Variants in RFT1 observed in about 807,000 individuals in gnomAD.
RFT1 encodes RFT1 glycolipid translocator homolog.
A neutral mutation model predicts 62.2 loss-of-function variants in RFT1; 43 were observed. The ratio of observed to expected loss-of-function variants is 0.69; its 90% confidence interval spans 0.54 to 0.89. RFT1 has a LOEUF of 0.89. Ranked by LOEUF, RFT1 falls within the 40% of genes least tolerant of loss-of-function variation. RFT1 has a pLI of 0.00. For synonymous variants in RFT1, 262 were observed against 264.6 expected (o/e 0.99, Z 0.10); for missense variants, 605 against 649.9 (o/e 0.93, Z 0.75).
rs139487607 is a variant in RFT1 at position 53,092,495 on chromosome 3, C to A, written c.1332G>T (p.Thr444=). The part of the protein sequence containing the change: ...ANCFNMGIRI[T]QSLCFIHRYY... ...AGCGGTGGATGAAGCAAAGGCTCTG[C>A]GTGATCCGAATGCCCATGTTAAAGC... The change falls in exon 12 of 13, where the codon ACG becomes ACT. Residue 444 remains threonine (T), a synonymous_variant. Coordinates refer to ENST00000296292, the MANE Select transcript of RFT1 (RefSeq NM_052859.4). The A allele has an allele frequency of 6.2e-6, 10 of 1,612,362 alleles. 1 individual carries two copies. Among genetic ancestry groups the A allele is most frequent in the South Asian group, 5.5e-5 (5 of 90,372 alleles).
At position 53,090,626 on chromosome 3, in the gene RFT1, T is replaced by C. The variant is rs1223072326; in HGVS notation, c.*1277A>G. On this transcript the variant is annotated 3_prime_UTR_variant, in exon 13 of 13. Coordinates refer to ENST00000296292, the MANE Select transcript of RFT1 (RefSeq NM_052859.4). ...TAAATACATGCATTTTAATGCATGA[T>C]AGGAGTTGCCCTTACTGGCCCTCTC... 6.6e-6 allele frequency: 1 copy of C among 152,254 alleles called. No homozygotes were observed. The highest frequency in any genetic ancestry group is 1.5e-5 in the Non-Finnish European group (1 of 68,066). The allele number at this position is 152,254 out of a possible 1,614,324, so 9.4% of individuals were successfully genotyped here.
In RFT1 at chr3:53,092,025, T is replaced by C. The variant is rs1057160750; in HGVS notation, c.1504A>G (p.Ile502Val). 1.9e-6 allele frequency: 3 copies of C among 1,614,236 alleles called. No individual in the cohort carries two copies. Among genetic ancestry groups the C allele is most frequent in the Non-Finnish European group, 2.5e-6 (3 of 1,180,036 alleles). Residue 502 changes from isoleucine to valine, a missense_variant, in exon 13 of 13, where the codon ATT becomes GTT. Coordinates refer to ENST00000296292, the MANE Select transcript of RFT1 (RefSeq NM_052859.4). ...EQGWPARLAH[I>V]AVGAFCLGAT... ...CCCAGACAGAAGGCCCCCACAGCAA[T>C]GTGTGCCAGTCTGGCTGGCCAGCCC...
intron 6 of RFT1, among the ~76,000 whole-genome samples, chr3:53,118,272 T>G (rs1028489477): frequency 1.3e-5 from 2 of 152,066 alleles, no homozygotes; most frequent in African/African-American, 4.8e-5. Context: ...CAGGAGACAC[T>G]AAGGGGAAGA....
At chr3:53,086,949 TGAA>T (rs1400319203), downstream of RFT1, among the ~76,000 whole-genome samples, 5 of 151,982 alleles carry the variant, frequency 3.3e-5, no homozygotes. Context: ...TGTAAATATG[TGAA>T]GGAGGCCAGG....
At chr3:53,067,514 G>A in the RFT1 span, among the ~76,000 whole-genome samples, 5 of 152,200 alleles carry the variant, frequency 3.3e-5, no homozygotes, top group Non-Finnish European at 7.3e-5. Context: ...ACATTGGCGG[G>A]GAAGGGGCAC....
At chr3:53,077,751 G>C in the RFT1 span, 1 of 152,258 alleles carries the variant, frequency 6.6e-6, no homozygotes, top group Non-Finnish European at 1.5e-5. Flanking sequence ...GTGGAGCCTG[G>C]GGGGACAGGT....
intron 10 of RFT1, among the ~76,000 whole-genome samples, chr3:53,102,123 T>C (rs527535695): frequency 1.3e-5 from 2 of 151,466 alleles, no homozygotes; most frequent in East Asian, 3.9e-4. Context: ...AGGGGGATGA[T>C]GACGTGAAGA....
chr3:53,125,836 A>G, intron 2 of RFT1, 73 bp downstream of exon 2: 1 of 1,154,846 alleles, frequency 8.7e-7, no homozygotes, highest in Non-Finnish European at 1.3e-6. Context: ...AGGATGACAA[A>G]CAGGTACAGA....
chr3:53,073,524 C>T, the RFT1 span, among the ~76,000 whole-genome samples: 1 of 152,220 alleles, frequency 6.6e-6, no homozygotes, highest in South Asian at 2.1e-4. Context: ...TATGGAGCCA[C>T]GGGCTGAGGC....
the RFT1 span, among the ~76,000 whole-genome samples, chr3:53,071,053 A>C: frequency 6.6e-6 from 1 of 151,928 alleles, no homozygotes; most frequent in Non-Finnish European, 1.5e-5. Context: ...TTAGTAAAGA[A>C]AGAAAATTCT....
At chr3:53,067,048 C>T in the RFT1 span, among the ~76,000 whole-genome samples, 1 of 152,214 alleles carries the variant, frequency 6.6e-6, no homozygotes, top group African/African-American at 2.4e-5. Flanking sequence ...ATTATATTGG[C>T]TGGGCGCAGT....
chr3:53,067,686 TAGG>T, the RFT1 span, among the ~76,000 whole-genome samples: 1 of 152,206 alleles, frequency 6.6e-6, no homozygotes, highest in East Asian at 1.9e-4. Context: ...GTATGCTCGA[TAGG>T]AGGAGTCTCT....
In RFT1 at chr3:53,118,648, G is replaced by A. The variant is rs1035696545; in HGVS notation, c.696+1236C>T. ...CAACTGAGTGCATTACATCCGGCAAGCAAACAAGCATGGAGAGAAGGGAAA... is the reference window on the plus strand; with the variant it reads ...CAACTGAGTGCATTACATCCGGCAAACAAACAAGCATGGAGAGAAGGGAAA... On this transcript the variant is annotated intron_variant, in intron 6 of 12. Transcript: ENST00000296292. 2.0e-4 allele frequency among the ~76,000 whole-genome samples: 30 copies of A among 152,248 alleles called. 1 individual carries two copies. The highest frequency in any genetic ancestry group is 6.5e-4 in the African/African-American group (27 of 41,544).
chr3:53,075,329 C>T, the RFT1 span, among the ~76,000 whole-genome samples: 2 of 152,344 alleles, frequency 1.3e-5, no homozygotes, highest in African/African-American at 4.8e-5. Context: ...CATCTTTCAT[C>T]TCCCAGACAC....
Position 53,092,055 on chromosome 3 carries a change from C to CCTGG in RFT1, c.1473_1474insCCAG (p.Glu492ProfsTer48). Reference sequence around the variant, plus strand: ...GCCAGTCTGGCTGGCCAGCCCTGCTCACAGCAGAGGAATACCTGGGGAAAG... The same window carrying CCTGG: ...GCCAGTCTGGCTGGCCAGCCCTGCTCCTGGACAGCAGAGGAATACCTGGGGAAAG... On this transcript the variant is annotated frameshift_variant, in exon 13 of 13. Transcript: ENST00000296292. LOFTEE classifies it high-confidence loss of function. 6.2e-7 allele frequency: 1 copy of CCTGG among 1,614,268 alleles called. No homozygotes were observed. The highest frequency in any genetic ancestry group is 8.5e-7 in the Non-Finnish European group (1 of 1,180,048).
rs1701996061 is a variant in RFT1 at position 53,122,449 on chromosome 3, A to T, written c.381T>A (p.Gly127=). The T allele has an allele frequency of 1.9e-6, 3 of 1,614,130 alleles. No homozygotes were observed. Among genetic ancestry groups the T allele is most frequent in the Non-Finnish European group, 2.5e-6 (3 of 1,180,018 alleles). The change falls in exon 4 of 13, where the codon GGT becomes GGA. Residue 127 remains glycine (G), a synonymous_variant. Coordinates refer to ENST00000296292, the MANE Select transcript of RFT1 (RefSeq NM_052859.4). ...PHYATGVVLF[G]LSAVVELLGE... is the part of the protein sequence containing the mutation. ...CTAGAAGCTCCACCACTGCCGAGAG[A>T]CCAAACAGCACCACTCCAGTTGCAT...
Position 53,122,445 on chromosome 3 carries a change from A to G in RFT1, c.385T>C (p.Ser129Pro), listed in dbSNP as rs755604638. 6.2e-7 allele frequency: 1 copy of G among 1,614,162 alleles called. No individual in the cohort carries two copies. The highest frequency in any genetic ancestry group is 8.5e-7 in the Non-Finnish European group (1 of 1,180,018). The change falls in exon 4 of 13, where the codon TCG becomes CCG. Residue 129 changes from serine to proline, a missense_variant. Physicochemically the swap from Ser to Pro is moderately conservative, Grantham distance 74. Coordinates refer to ENST00000296292, the MANE Select transcript of RFT1 (RefSeq NM_052859.4). ...TCTCCTAGAAGCTCCACCACTGCCG[A>G]GAGACCAAACAGCACCACTCCAGTT... is the stretch of plus-strand genomic sequence containing the variant. Reference protein sequence around the residue: ...YATGVVLFGLSAVVELLGEPF... With the variant: ...YATGVVLFGLPAVVELLGEPF...
At chr3:53,075,537 C>A in the RFT1 span, among the ~76,000 whole-genome samples, 8 of 152,168 alleles carry the variant, frequency 5.3e-5, no homozygotes, top group Non-Finnish European at 1.0e-4. Context: ...ATGGCAGTCA[C>A]CAGGAGCCTC....
chr3:53,126,025 T>A, intron 1 of RFT1, 31 bp from the exon 2 acceptor site: 3 of 1,527,008 alleles, frequency 2.0e-6, no homozygotes, highest in Non-Finnish European at 9.0e-7. Context: ...TACGTAAGAA[T>A]AAATGACGTT....
Sources: allele counts gnomAD v4.1 joint callset (sites outside exome capture counted in the v4.1 genomes callset), GRCh38; gene constraint gnomAD v4.1.1; transcripts MANE v1.5; gene names NCBI Gene and HGNC (gene_info 2026-07-23, HGNC 2026-07-21).